Variants in CCDC39 observed in about 807,000 individuals in gnomAD.
CCDC39 encodes the protein coiled-coil domain 39 molecular ruler complex subunit, also known as coiled-coil domain-containing protein 39.
In CCDC39, 113 loss-of-function variants were observed where a neutral mutation model predicts 121.0. That is an observed-to-expected ratio of 0.93 (90% CI 0.80 to 1.09). CCDC39 has a LOEUF of 1.09. CCDC39 is among the 50% of genes least tolerant of loss of function. The pLI, the probability that CCDC39 is intolerant of heterozygous loss-of-function variation, is 0.00. For synonymous variants in CCDC39, 349 were observed against 352.2 expected, an observed-to-expected ratio of 0.99 and a Z score of 0.10; for missense variants, 1,063 against 1,074.7, an observed-to-expected ratio of 0.99 and a Z score of 0.15.
rs6769457 is a variant in CCDC39, at chr3:180,648,168, G to T, written c.1359C>A (p.Ser453Arg). ...ETLKQQEIMY[S>R]QDFHIQQVER... Reference sequence around the variant, plus strand: ...TATTCATAAAAGTAACATCTACCTGGCTGTACATAATTTCTTGCTGCTTCA... The same window carrying T: ...TATTCATAAAAGTAACATCTACCTGTCTGTACATAATTTCTTGCTGCTTCA... The change falls in exon 10 of 20, where the codon AGC becomes AGA. Residue 453 changes from serine (S) to arginine (R), a missense_variant. Coordinates refer to ENST00000476379, the MANE Select transcript of CCDC39 (RefSeq NM_181426.2). 4.3e-5 allele frequency: 69 copies of T among 1,607,880 alleles called. No individual in the cohort carries two copies. In the East Asian group the frequency reaches 1.5e-3, roughly 35 times the overall value.
chr3:180,675,067 C>G (rs1166929585), intron 1 of CCDC39, among the ~76,000 whole-genome samples: 1 of 152,190 alleles, frequency 6.6e-6, no homozygotes, highest in East Asian at 1.9e-4. Flanking sequence ...ACCAGCTCCT[C>G]CTTGTACCTC....
chr3:180,619,421 T>C (rs1192799896), intron 15 of CCDC39, 56 bp from the exon 16 acceptor site: 4 of 863,694 alleles, frequency 4.6e-6, no homozygotes, highest in Non-Finnish European at 7.3e-6. Flanking sequence ...AGAAATCAAT[T>C]TTAAAGTATT....
At chr3:180,663,380 C>A (rs1560093153) in intron 2 of CCDC39, among the ~76,000 whole-genome samples, 1 of 152,104 alleles carries the variant, frequency 6.6e-6, no homozygotes, top group East Asian at 1.9e-4. Flanking sequence ...ATGATTTCTC[C>A]TTTCATATGG....
In CCDC39 at chr3:180,660,722, T is replaced by C. The variant is rs371541452; in HGVS notation, c.364A>G (p.Ile122Val). 3 of 1,599,002 alleles carry C rather than the reference T, an allele frequency of 1.9e-6. No individual in the cohort carries two copies. The highest frequency in any genetic ancestry group is 2.6e-6 in the Non-Finnish European group (3 of 1,171,602). The change falls in exon 4 of 20, where the codon ATA (isoleucine) becomes GTA (valine). Residue 122 changes from isoleucine to valine, a missense_variant. Transcript: ENST00000476379. ...LEKKSDKENG[I>V]FKATQKLDGL... ...TCCAATTTTTGAGTGGCTTTAAATA[T>C]GCCATTCTAATTTCCAAAGAGAGAG...
rs111261462 is a variant in CCDC39, at chr3:180,642,962, ATT to A, written c.1666-763_1666-762del. ...ATTTACAATATTTATGACAGAGATA[ATT>A]TTTTTTTTTTTTTGAGACGGAGTCT... On this transcript the variant is annotated intron_variant, in intron 12 of 19. Transcript: ENST00000476379. Among the ~76,000 whole-genome samples, 851 of 145,352 alleles carry A rather than the reference ATT, an allele frequency of 5.9e-3. 10 individuals are homozygous for A. The highest frequency in any genetic ancestry group is 0.02 in the African/African-American group (791 of 40,002).
At chr3:180,672,789 T>C (rs1712086507) in intron 1 of CCDC39, among the ~76,000 whole-genome samples, 2 of 152,234 alleles carry the variant, frequency 1.3e-5, no homozygotes, top group Admixed American at 6.5e-5. Flanking sequence ...CCATAGATAG[T>C]GATTCCTACG....
At chr3:180,644,320 A>C (rs1718024585) in intron 11 of CCDC39, 63 bp from the exon 12 acceptor site, 4 of 956,128 alleles carry the variant, frequency 4.2e-6, no homozygotes, top group Non-Finnish European at 4.6e-6. Context: ...TATTAAATAC[A>C]TGCTGTATTA....
rs984125757 is a variant in CCDC39, at chr3:180,614,195, G to A, written c.*726C>T. On this transcript the variant is annotated 3_prime_UTR_variant, in exon 20 of 20. Coordinates refer to ENST00000476379, the MANE Select transcript of CCDC39 (RefSeq NM_181426.2). Reference sequence around the variant, plus strand: ...AGTCATACCTAGCTTTCATTAAATCGTTTATTAAATCAAGAAAATTTCAAA... The same window carrying A: ...AGTCATACCTAGCTTTCATTAAATCATTTATTAAATCAAGAAAATTTCAAA... 7.6e-5 allele frequency: 12 copies of A among 158,874 alleles called. No homozygotes were observed. Among genetic ancestry groups the A allele is most frequent in the Admixed American group, 1.9e-4 (3 of 16,162 alleles). The allele number at this position is 158,874 out of a possible 1,614,324, so 9.8% of individuals were successfully genotyped here.
chr3:180,678,409 G>A (rs73885326), intron 1 of CCDC39, among the ~76,000 whole-genome samples: 5,765 of 152,264 alleles, frequency 0.038, 375 homozygotes, highest in African/African-American at 0.13. Context: ...TTACAAAGTT[G>A]TGTAAGCATC....
intron 13 of CCDC39, among the ~76,000 whole-genome samples, chr3:180,634,019 T>G (rs1251032848): frequency 1.3e-5 from 2 of 152,094 alleles, no homozygotes; most frequent in Non-Finnish European, 2.9e-5. Flanking sequence ...AAAAACAGCC[T>G]GAGGACTATG....
rs1463877841 is a variant in CCDC39 at position 180,637,707 on chromosome 3, A to T, written c.1874+4286T>A. Among the ~76,000 whole-genome samples the T allele has an allele frequency of 4.6e-5, 7 of 152,220 alleles. No homozygotes were observed. The East Asian group carries it at 5.8e-4, about 13-fold the overall frequency. On this transcript the variant is annotated intron_variant, in intron 13 of 19. Coordinates refer to ENST00000476379, the MANE Select transcript of CCDC39 (RefSeq NM_181426.2). Reference sequence around the variant, plus strand: ...CACCCATCAATGACAGATTAGATTTAAAAAATGTGCCATATATACACCATG... The same window carrying T: ...CACCCATCAATGACAGATTAGATTTTAAAAATGTGCCATATATACACCATG...
chr3:180,676,780 G>A (rs1266867803), intron 1 of CCDC39, among the ~76,000 whole-genome samples: 1 of 152,060 alleles, frequency 6.6e-6, no homozygotes, highest in Non-Finnish European at 1.5e-5. Flanking sequence ...AGAAAATGTG[G>A]CACATATACA....
intron 1 of CCDC39, among the ~76,000 whole-genome samples, chr3:180,664,581 T>A (rs1343751865): frequency 6.6e-6 from 1 of 152,160 alleles, no homozygotes; most frequent in Non-Finnish European, 1.5e-5. Context: ...GGAATGGAAA[T>A]CTCTCTTAGA....
chr3:180,625,031 G>A (rs1717524465), intron 14 of CCDC39, among the ~76,000 whole-genome samples: 1 of 151,662 alleles, frequency 6.6e-6, no homozygotes, highest in African/African-American at 2.4e-5. Flanking sequence ...GTATTTTCCT[G>A]GGGATTGCTG....
chr3:180,661,799 C>T, intron 3 of CCDC39, 62 bp downstream of exon 3: 2 of 1,438,056 alleles, frequency 1.4e-6, no homozygotes, highest in South Asian at 1.3e-5. Context: ...AAAGTCAATG[C>T]TCATTTGGTG....
chr3:180,656,374 C>A (rs974953165), intron 6 of CCDC39, among the ~76,000 whole-genome samples: 1 of 151,988 alleles, frequency 6.6e-6, no homozygotes, highest in African/African-American at 2.4e-5. Flanking sequence ...AATATTTTTC[C>A]ACTTCTACAC....
chr3:180,635,524 C>A (rs1267283962), intron 13 of CCDC39, among the ~76,000 whole-genome samples: 1 of 152,176 alleles, frequency 6.6e-6, no homozygotes, highest in Non-Finnish European at 1.5e-5. Context: ...GGTAAATGTT[C>A]CTGTTCCAAA....
rs149015275 is a variant in CCDC39 at position 180,644,010 on chromosome 3, T to C, written c.1665+110A>G. On this transcript the variant is annotated intron_variant, in intron 12 of 19. Coordinates refer to ENST00000476379, the MANE Select transcript of CCDC39 (RefSeq NM_181426.2). ...TTAACACTGTTTATATTGGGTATAGTGATTATAGTGACATTTTCTTTTTCA... is the reference window on the plus strand; with the variant it reads ...TTAACACTGTTTATATTGGGTATAGCGATTATAGTGACATTTTCTTTTTCA... The C allele has an allele frequency of 2.1e-3, 1,649 of 771,152 alleles. 17 individuals carry two copies. The African/African-American group carries it at 0.027, about 13-fold the overall frequency. The allele number at this position is 771,152 out of a possible 1,614,324, so 47.8% of individuals were successfully genotyped here. A position where few individuals can be genotyped will look rare whatever the true frequency, so the allele number is the denominator to read the frequency against.
intron 11 of CCDC39, among the ~76,000 whole-genome samples, chr3:180,644,761 A>G (rs565738666): frequency 6.6e-6 from 1 of 152,324 alleles, no homozygotes; most frequent in Admixed American, 6.5e-5. Flanking sequence ...TAATGACAAG[A>G]AAAAAGTCTG....
Sources: allele counts gnomAD v4.1 joint callset (sites outside exome capture counted in the v4.1 genomes callset), GRCh38; gene constraint gnomAD v4.1.1; transcripts MANE v1.5; gene names NCBI Gene and HGNC (gene_info 2026-07-23, HGNC 2026-07-21).